The following LOC400499 variants were observed in gnomAD, a reference collection of about 807,000 sequenced individuals.
the LOC400499 span, among the ~76,000 whole-genome samples, chr16:11,450,005 C>T: frequency 6.6e-6 from 1 of 152,208 alleles, no homozygotes; most frequent in African/African-American, 2.4e-5. Flanking sequence ...ACAGAGGCCT[C>T]CTCATGGTCC....
the LOC400499 span, chr16:11,430,965 G>T: frequency 1.5e-5 from 6 of 398,442 alleles, no homozygotes; most frequent in African/African-American, 1.2e-4. Flanking sequence ...GACTTGGGTG[G>T]AAATGAATCT....
the LOC400499 span, chr16:11,399,420 AG>A: frequency 1.8e-5 from 8 of 443,336 alleles, no homozygotes; most frequent in East Asian, 2.8e-4. Flanking sequence ...CTCCTGTGGC[AG>A]GTGGAGCCGC....
the LOC400499 span, among the ~76,000 whole-genome samples, chr16:11,428,702 A>G: frequency 6.6e-6 from 1 of 152,158 alleles, no homozygotes; most frequent in African/African-American, 2.4e-5. Context: ...CCTGTGACTA[A>G]GAGTGCCTTA....
At chr16:11,455,967 G>A in the LOC400499 span, among the ~76,000 whole-genome samples, 6 of 151,050 alleles carry the variant, frequency 4.0e-5, no homozygotes, top group South Asian at 2.1e-4. Flanking sequence ...ACTCACAGCC[G>A]AATTCACTTT....
chr16:11,389,175 G>A, the LOC400499 span, among the ~76,000 whole-genome samples: 2 of 152,184 alleles, frequency 1.3e-5, no homozygotes, highest in East Asian at 1.9e-4. Context: ...CGCTGGCCCC[G>A]TGGCTCTTGC....
chr16:11,453,048 C>T, the LOC400499 span, among the ~76,000 whole-genome samples: 203 of 152,226 alleles, frequency 1.3e-3, 1 homozygote, highest in Non-Finnish European at 9.4e-4. Flanking sequence ...ATCCTTTTTA[C>T]GGCAGCCTTA....
At chr16:11,372,776 C>G in the LOC400499 span, 285 of 970,938 alleles carry the variant, frequency 2.9e-4, no homozygotes, top group Non-Finnish European at 3.4e-4. Flanking sequence ...AGGCTATGGG[C>G]CCCTGAGGAG....
At chr16:11,399,459 C>A in the LOC400499 span, 20 of 400,566 alleles carry the variant, frequency 5.0e-5, no homozygotes, top group Middle Eastern at 1.3e-3. Flanking sequence ...AGACGCTGCT[C>A]CCCTGACCTC....
the LOC400499 span, among the ~76,000 whole-genome samples, chr16:11,475,309 T>A: frequency 6.6e-6 from 1 of 152,060 alleles, no homozygotes; most frequent in Non-Finnish European, 1.5e-5. Flanking sequence ...TGCACATGTA[T>A]CCCAGAACTT....
the LOC400499 span, chr16:11,404,792 C>G: frequency 2.5e-6 from 1 of 399,062 alleles, no homozygotes. Flanking sequence ...ACAGCACCAC[C>G]TGGCGCAGGA....
At chr16:11,505,314 A>C in the LOC400499 span, among the ~76,000 whole-genome samples, 1 of 152,148 alleles carries the variant, frequency 6.6e-6, no homozygotes, top group African/African-American at 2.4e-5. Flanking sequence ...AGTTACAATA[A>C]ACATGACTAA....
the LOC400499 span, chr16:11,501,942 T>A: frequency 2.5e-6 from 1 of 394,096 alleles, no homozygotes; most frequent in African/African-American, 2.1e-5. Context: ...GAAGGACAAG[T>A]CAGTGTCAAG....
chr16:11,443,408 C>A, the LOC400499 span: 1 of 413,704 alleles, frequency 2.4e-6, no homozygotes, highest in South Asian at 1.6e-5. Context: ...TTGCGGTGAG[C>A]TGAGATCAAG....
chr16:11,406,845 C>T, the LOC400499 span, among the ~76,000 whole-genome samples: 3 of 152,360 alleles, frequency 2.0e-5, no homozygotes, highest in East Asian at 5.8e-4. Context: ...TGGTCACTCT[C>T]AGTCACTTCA....
chr16:11,480,804 A>G, the LOC400499 span, among the ~76,000 whole-genome samples: 1 of 152,360 alleles, frequency 6.6e-6, no homozygotes, highest in Admixed American at 6.5e-5. Context: ...TTGTTCACAC[A>G]ATGGAATACT....
the LOC400499 span, among the ~76,000 whole-genome samples, chr16:11,489,942 T>C: frequency 6.6e-6 from 1 of 152,160 alleles, no homozygotes; most frequent in Non-Finnish European, 1.5e-5. Flanking sequence ...GGTTGTTGCT[T>C]CTAACGGCAA....
At chr16:11,443,258 A>C in the LOC400499 span, 1 of 307,468 alleles carries the variant, frequency 3.3e-6, no homozygotes, top group East Asian at 1.2e-4. Flanking sequence ...CAGGAGGCAG[A>C]GGTTGCAATG....
the LOC400499 span, among the ~76,000 whole-genome samples, chr16:11,441,362 G>A: frequency 9.5e-4 from 144 of 152,260 alleles, no homozygotes; most frequent in African/African-American, 3.3e-3. Context: ...TTTGTTCATT[G>A]CCATATTCCT....
At chr16:11,425,412 T>A in the LOC400499 span, 2 of 399,142 alleles carry the variant, frequency 5.0e-6, no homozygotes, top group Non-Finnish European at 8.8e-6. Context: ...CACAGCTGAG[T>A]CAGCAGTGAC....
Sources: gnomAD v4.1 joint callset for allele counts (sites outside exome capture counted in the v4.1 genomes callset) on GRCh38, gnomAD v4.1.1 for gene constraint, MANE v1.5 for transcripts.